KICS2: variants seen among roughly 807,000 people sequenced by gnomAD.
KICS2 encodes KICSTOR subunit 2, also known as KICSTOR complex protein C12orf66.
In KICS2, 13 loss-of-function variants were observed where a neutral mutation model predicts 31.4. The observed-to-expected ratio is 0.41, with a 90% CI of 0.27 to 0.66. The LOEUF is 0.66. Ranked by LOEUF, KICS2 falls within the 30% of genes least tolerant of loss-of-function variation. The probability of loss-of-function intolerance (pLI) is 0.28; values close to 1 mark genes in which losing one functional copy is unlikely to be tolerated. For missense variants in KICS2, 455 were observed against 545.4 expected (o/e 0.83, Z 1.65); for synonymous variants, 209 against 214.8 (o/e 0.97, Z 0.24).
rs144050544 is a variant in KICS2, at chr12:64,192,786, G to T, written c.*1056C>A. 1,308 of 985,468 alleles carry T rather than the reference G, an allele frequency of 1.3e-3. 9 individuals are homozygous for T. The Middle Eastern group carries it at 0.02, about 15-fold the overall frequency. The allele number at this position is 985,468 out of a possible 1,614,324, so 61.0% of individuals were successfully genotyped here. On this transcript the variant is annotated 3_prime_UTR_variant, in exon 3 of 3. Transcript: ENST00000398055. ...GCAGCATGTGCTAAGATGCAGTGCT[G>T]CTTCTAAACATAATTTGTGGGGGGC...
At chr12:64,221,770 C>T in intron 1 of KICS2, 1 of 601,732 alleles carries the variant, frequency 1.7e-6, no homozygotes, top group Non-Finnish European at 2.9e-6. Context: ...GTTTGGGTCA[C>T]AGCCCTGCAA....
intron 2 of KICS2, among the ~76,000 whole-genome samples, chr12:64,211,668 T>TA (rs1376089933): frequency 1.3e-4 from 20 of 152,046 alleles, no homozygotes. Context: ...AGACGGGAAC[T>TA]AAGTGGCTAA....
intron 2 of KICS2, among the ~76,000 whole-genome samples, chr12:64,209,297 T>C (rs945592023): frequency 6.6e-5 from 10 of 152,100 alleles, no homozygotes; most frequent in African/African-American, 1.9e-4. Context: ...AATAATGTTA[T>C]AAACTGGCCA....
chr12:64,216,289 C>A (rs2037628741), intron 1 of KICS2, among the ~76,000 whole-genome samples: 1 of 151,882 alleles, frequency 6.6e-6, no homozygotes. Flanking sequence ...TTCTCACCCA[C>A]CCCAATTCAA....
downstream of KICS2, among the ~76,000 whole-genome samples, chr12:64,190,443 A>T (rs189819056): frequency 8.0e-3 from 1,218 of 152,334 alleles, 18 homozygotes; most frequent in African/African-American, 0.027. Context: ...TCCCTGGGAA[A>T]GTAGTGAAGT....
In KICS2 at chr12:64,193,697, A is replaced by G; in HGVS notation, c.*145T>C. ...TTCAATTGGCCTTAATTGCTTATAA[A>G]GTGTGCAACACAGGGAGGATTTGTC... is the stretch of plus-strand genomic sequence containing the variant. On this transcript the variant is annotated 3_prime_UTR_variant, in exon 3 of 3. Transcript: ENST00000398055. The G allele has an allele frequency of 7.0e-7, 1 of 1,437,930 alleles. No homozygotes were observed. The highest frequency in any genetic ancestry group is 1.5e-5 in the South Asian group (1 of 65,352). 89.1% of individuals were successfully genotyped at this position (1,437,930 alleles called of 1,614,324 possible). A position where few individuals can be genotyped will look rare whatever the true frequency, so the allele number is the denominator to read the frequency against.
chr12:64,207,301 C>CAAAAAAAAAAAAAAAAA (rs35532711), intron 2 of KICS2, among the ~76,000 whole-genome samples: 1 of 57,344 alleles, frequency 1.7e-5, no homozygotes, highest in Admixed American at 2.6e-4. Context: ...CAACTCGTCT[C>CAAAAAAAAAAAAAAAAA]AAAAAAAAAA....
At chr12:64,189,596 ATC>A (rs1166758953), downstream of KICS2, among the ~76,000 whole-genome samples, 5 of 152,192 alleles carry the variant, frequency 3.3e-5, no homozygotes, top group East Asian at 9.6e-4. Context: ...AATCTGTCTT[ATC>A]TCCTTAGTTC....
intron 2 of KICS2, among the ~76,000 whole-genome samples, chr12:64,206,285 C>T (rs904885426): frequency 6.6e-6 from 1 of 152,004 alleles, no homozygotes; most frequent in Non-Finnish European, 1.5e-5. Flanking sequence ...CATATGTGTA[C>T]CACAGTGGTT....
rs1055393299 is a variant in KICS2 at position 64,191,258 on chromosome 12, T to G, written c.*2584A>C. ...TCAGAAATAATTTAAGTATCAATAT[T>G]CAATCTTCAAAAACTCTTCCAGTAC... On this transcript the variant is annotated 3_prime_UTR_variant, in exon 3 of 3. Transcript: ENST00000398055. 1 of 152,240 alleles carries G rather than the reference T, an allele frequency of 6.6e-6. No individual in the cohort carries two copies. The highest frequency in any genetic ancestry group is 1.5e-5 in the Non-Finnish European group (1 of 68,050). 9.4% of individuals were successfully genotyped at this position (152,240 alleles called of 1,614,324 possible). A position where few individuals can be genotyped will look rare whatever the true frequency, so the allele number is the denominator to read the frequency against.
intron 2 of KICS2, among the ~76,000 whole-genome samples, chr12:64,213,307 G>T (rs987832924): frequency 2.0e-5 from 3 of 151,924 alleles, no homozygotes; most frequent in Non-Finnish European, 1.5e-5. Flanking sequence ...TTATTTATCT[G>T]GACTAGATAA....
downstream of KICS2, chr12:64,187,454 A>G (rs887166861): frequency 4.8e-6 from 3 of 626,236 alleles, no homozygotes; most frequent in African/African-American, 5.5e-5. Flanking sequence ...CTAGAAACAG[A>G]CCTTGTTATC....
chr12:64,194,176 G>A lies in KICS2; in HGVS notation c.1004C>T (p.Ser335Phe). 2 of 1,614,142 alleles carry A rather than the reference G, an allele frequency of 1.2e-6. No individual in the cohort carries two copies. The highest frequency in any genetic ancestry group is 1.7e-6 in the Non-Finnish European group (2 of 1,180,030). Residue 335 changes from serine (S) to phenylalanine (F), a missense_variant, in exon 3 of 3, where the codon TCC becomes TTC. Physicochemically the swap from Ser to Phe is radical, Grantham distance 155. Coordinates refer to ENST00000398055, the MANE Select transcript of KICS2 (RefSeq NM_152440.5). Reference protein sequence around the residue: ...FQGHGYHHPHSYREAPKGVDQ... With the variant: ...FQGHGYHHPHFYREAPKGVDQ... ...CACACCCTTGGGGGCCTCTCTGTAGGAATGGGGGTGGTGATAACCATGACC... is the reference window on the plus strand; with the variant it reads ...CACACCCTTGGGGGCCTCTCTGTAGAAATGGGGGTGGTGATAACCATGACC...
At chr12:64,196,391 T>G (rs2037438667) in intron 2 of KICS2, among the ~76,000 whole-genome samples, 1 of 151,174 alleles carries the variant, frequency 6.6e-6, no homozygotes, top group Non-Finnish European at 1.5e-5. Context: ...CTGAGGGTCC[T>G]GTCTGTTAGA....
Position 64,221,994 on chromosome 12 carries a change from C to T in KICS2, c.235+9G>A, listed in dbSNP as rs1327577467. On this transcript the variant is annotated intron_variant, in intron 1 of 2. Coordinates refer to ENST00000398055, the MANE Select transcript of KICS2 (RefSeq NM_152440.5). ...TCCTCAAGGGGCTCGGGGGGCGGGG[C>T]GGAGGTACCTAGTTTCTGCCCCAGG... 1.2e-6 allele frequency: 2 copies of T among 1,610,638 alleles called. No homozygotes were observed. The highest frequency in any genetic ancestry group is 4.5e-5 in the East Asian group (2 of 44,756).
At chr12:64,208,583 C>T (rs2037559469) in intron 2 of KICS2, among the ~76,000 whole-genome samples, 1 of 152,138 alleles carries the variant, frequency 6.6e-6, no homozygotes, top group Non-Finnish European at 1.5e-5. Flanking sequence ...TATTAACAGC[C>T]TTATCATCAA....
intron 1 of KICS2, 25 bp from the exon 2 acceptor site, chr12:64,215,988 A>G: frequency 6.3e-7 from 1 of 1,586,340 alleles, no homozygotes; most frequent in Non-Finnish European, 8.6e-7. Flanking sequence ...ACATAAGCAC[A>G]TGACAAGTAA....
At chr12:64,186,366 A>C (rs2037339470), downstream of KICS2, 2 of 152,354 alleles carry the variant, frequency 1.3e-5, no homozygotes, top group South Asian at 4.1e-4. Flanking sequence ...TAAGCAAAAA[A>C]TAAATTCATT....
intron 2 of KICS2, among the ~76,000 whole-genome samples, chr12:64,196,239 G>A (rs1236488823): frequency 2.6e-5 from 4 of 151,158 alleles, no homozygotes; most frequent in Non-Finnish European, 2.9e-5. Flanking sequence ...CTCCCAGCAC[G>A]CAGCTGGAGA....
Sources: allele counts gnomAD v4.1 joint callset (sites outside exome capture counted in the v4.1 genomes callset), GRCh38; gene constraint gnomAD v4.1.1; transcripts MANE v1.5; gene names NCBI Gene and HGNC (gene_info 2026-07-23, HGNC 2026-07-21).